The following GNG12 variants were observed in gnomAD, a reference collection of about 807,000 sequenced individuals.
GNG12 encodes the protein G protein subunit gamma 12.
For synonymous variants in GNG12, 28 were observed against 29.7 expected (o/e 0.94, Z 0.19); for missense variants, 69 against 83.8 (o/e 0.82, Z 0.69).
intron 2 of GNG12, among the ~76,000 whole-genome samples, chr1:67,746,432 T>A (rs964880972): frequency 2.0e-5 from 3 of 152,170 alleles, no homozygotes; most frequent in African/African-American, 7.2e-5. Flanking sequence ...CTTTTTTTTT[T>A]AAACTAAGCA....
intron 1 of GNG12, among the ~76,000 whole-genome samples, chr1:67,797,972 C>A (rs1377842418): frequency 1.3e-5 from 2 of 152,206 alleles, no homozygotes; most frequent in Non-Finnish European, 2.9e-5. Context: ...GCCCTTTCCT[C>A]AGATCCATCC....
intron 2 of GNG12, among the ~76,000 whole-genome samples, chr1:67,775,816 G>A (rs1042390244): frequency 6.6e-5 from 10 of 152,230 alleles, no homozygotes; most frequent in Admixed American, 1.3e-4. Context: ...GGAAGGCCAT[G>A]TCATGGAGAA....
At chr1:67,754,560 G>C (rs1456258351) in intron 2 of GNG12, among the ~76,000 whole-genome samples, 1 of 152,214 alleles carries the variant, frequency 6.6e-6, no homozygotes, top group Non-Finnish European at 1.5e-5. Flanking sequence ...AGCCATGGCT[G>C]TCTAGCTGGT....
At chr1:67,823,969 T>A (rs1216539017) in intron 1 of GNG12, among the ~76,000 whole-genome samples, 3 of 152,144 alleles carry the variant, frequency 2.0e-5, no homozygotes, top group Non-Finnish European at 4.4e-5. Context: ...TGTGTGTGTG[T>A]GAGAAAGAGA....
At chr1:67,800,273 T>C (rs1646857081) in intron 1 of GNG12, among the ~76,000 whole-genome samples, 3 of 152,182 alleles carry the variant, frequency 2.0e-5, no homozygotes, top group Admixed American at 6.5e-5. Context: ...TCATCCCTGA[T>C]CTCATCAGCA....
chr1:67,811,222 T>G (rs1646923409), intron 1 of GNG12, among the ~76,000 whole-genome samples: 1 of 152,230 alleles, frequency 6.6e-6, no homozygotes, highest in Non-Finnish European at 1.5e-5. Flanking sequence ...TTCAGAAAGC[T>G]GATCCGTGGA....
intron 1 of GNG12, among the ~76,000 whole-genome samples, chr1:67,796,671 T>C (rs1415124984): frequency 7.2e-5 from 11 of 152,160 alleles, no homozygotes; most frequent in Non-Finnish European, 1.5e-4. Flanking sequence ...CAGTGTTTCA[T>C]AGGTGGGGTG....
intron 2 of GNG12, among the ~76,000 whole-genome samples, chr1:67,749,836 C>G (rs528089556): frequency 6.6e-6 from 1 of 152,198 alleles, no homozygotes; most frequent in Non-Finnish European, 1.5e-5. Flanking sequence ...GACCTCAAGG[C>G]TGGAGAGAAA....
chr1:67,774,540 C>T (rs1311117066), intron 2 of GNG12, among the ~76,000 whole-genome samples: 1 of 152,280 alleles, frequency 6.6e-6, no homozygotes, highest in African/African-American at 2.4e-5. Flanking sequence ...TAGCCCTGGG[C>T]CAACCCATCA....
At chr1:67,828,521 T>C (rs563031230) in intron 1 of GNG12, among the ~76,000 whole-genome samples, 1 of 152,316 alleles carries the variant, frequency 6.6e-6, no homozygotes, top group African/African-American at 2.4e-5. Context: ...TTGTGACAAC[T>C]GAGCAAGACT....
intron 2 of GNG12, among the ~76,000 whole-genome samples, chr1:67,762,200 C>T (rs530655320): frequency 6.6e-6 from 1 of 152,318 alleles, no homozygotes; most frequent in African/African-American, 2.4e-5. Context: ...AGGCTGTCCA[C>T]AGTAGGAACT....
chr1:67,810,770 C>T (rs180999237), intron 1 of GNG12, among the ~76,000 whole-genome samples: 14 of 152,242 alleles, frequency 9.2e-5, no homozygotes, highest in Admixed American at 7.8e-4. Flanking sequence ...TGGCCTTACC[C>T]AGACCTGGTT....
At chr1:67,758,183 A>G (rs947968863) in intron 2 of GNG12, among the ~76,000 whole-genome samples, 1 of 152,190 alleles carries the variant, frequency 6.6e-6, no homozygotes, top group Non-Finnish European at 1.5e-5. Context: ...CATGTTGGCC[A>G]GGCTGGTCTC....
At chr1:67,748,160 G>A (rs1280914758) in intron 2 of GNG12, among the ~76,000 whole-genome samples, 3 of 152,156 alleles carry the variant, frequency 2.0e-5, no homozygotes, top group Non-Finnish European at 4.4e-5. Context: ...TCCTTTTTGT[G>A]GGGGCAGGGA....
intron 2 of GNG12, among the ~76,000 whole-genome samples, chr1:67,766,571 C>T (rs1429292767): frequency 1.3e-5 from 2 of 151,200 alleles, no homozygotes; most frequent in Non-Finnish European, 2.9e-5. Context: ...ATGGTTTTGC[C>T]AAAGATGATA....
chr1:67,702,255 T>G lies in GNG12; in HGVS notation c.*3196A>C, dbSNP rs1646219931. 6.6e-6 allele frequency: 1 copy of G among 152,256 alleles called. No individual in the cohort carries two copies. Among genetic ancestry groups the G allele is most frequent in the Non-Finnish European group, 1.5e-5 (1 of 68,048 alleles). 9.4% of individuals were successfully genotyped at this position (152,256 alleles called of 1,614,324 possible). A position where few individuals can be genotyped will look rare whatever the true frequency, so the allele number is the denominator to read the frequency against. On this transcript the variant is annotated 3_prime_UTR_variant, in exon 4 of 4. Coordinates refer to ENST00000370982, the MANE Select transcript of GNG12 (RefSeq NM_018841.6). ...CCATAATGTACTCTGGTATTGTATTTATTTCACTGAGAAATGACTGGCATG... is the reference window on the plus strand; with the variant it reads ...CCATAATGTACTCTGGTATTGTATTGATTTCACTGAGAAATGACTGGCATG...
At chr1:67,812,231 G>GA (rs150012217) in intron 1 of GNG12, among the ~76,000 whole-genome samples, 2,877 of 150,770 alleles carry the variant, frequency 0.019, 99 homozygotes, top group African/African-American at 0.066. Flanking sequence ...CAGCTTATTG[G>GA]AAAAAAAAAT....
intron 2 of GNG12, among the ~76,000 whole-genome samples, chr1:67,709,941 T>G (rs1276769149): frequency 5.9e-5 from 2 of 34,170 alleles, no homozygotes; most frequent in African/African-American, 1.1e-4. Flanking sequence ...TATAGTTATA[T>G]ATATATAGTT....
At chr1:67,705,692 A>G in intron 3 of GNG12, 116 bp from the exon 4 acceptor site, 1 of 1,399,338 alleles carries the variant, frequency 7.1e-7, no homozygotes, top group Non-Finnish European at 9.3e-7. Context: ...AGATAATCAG[A>G]GTCTCAAAGC....
Sources: gnomAD v4.1 joint callset for allele counts (sites outside exome capture counted in the v4.1 genomes callset) on GRCh38, gnomAD v4.1.1 for gene constraint, MANE v1.5 for transcripts, NCBI Gene and HGNC (gene_info 2026-07-23, HGNC 2026-07-21) for gene names.